RORA: variants seen among roughly 807,000 people sequenced by gnomAD.
The protein encoded by RORA is nuclear receptor ROR-alpha.
Under a neutral mutation model 69.5 loss-of-function variants are expected in RORA, and 7 were observed. The observed-to-expected ratio is 0.10, with a 90% CI of 0.06 to 0.19. The LOEUF (loss-of-function observed/expected upper bound fraction) is 0.19. Ranked by LOEUF, RORA falls within the 10% of genes least tolerant of loss-of-function variation. RORA has a pLI of 1.00. For synonymous variants in RORA, 261 were observed against 240.8 expected (o/e 1.08, Z -0.78); for missense variants, 457 against 663.0 (o/e 0.69, Z 3.41).
chr15:60,982,398 T>C (rs954087189), intron 1 of RORA, among the ~76,000 whole-genome samples: 6 of 152,228 alleles, frequency 3.9e-5, no homozygotes, highest in African/African-American at 1.4e-4. Flanking sequence ...TAGACTTTGC[T>C]TCCAAGTTTT....
At chr15:61,114,212 T>G (rs1277951091) in intron 1 of RORA, among the ~76,000 whole-genome samples, 1 of 152,130 alleles carries the variant, frequency 6.6e-6, no homozygotes, top group Non-Finnish European at 1.5e-5. Context: ...GCTTTGCCTA[T>G]CCAATGTCAT....
In RORA at chr15:61,095,993, G is replaced by T. The variant is rs146400454; in HGVS notation, c.166+133060C>A. Among the ~76,000 whole-genome samples, 407 of 152,318 alleles carry T rather than the reference G, an allele frequency of 2.7e-3. 1 individual carries two copies. Among genetic ancestry groups the T allele is most frequent in the Middle Eastern group, 0.01 (3 of 294 alleles). On this transcript the variant is annotated intron_variant, in intron 1 of 10. Transcript: ENST00000335670. Reference sequence around the variant, plus strand: ...TATTTGATCATTGATAGGGGGTTTGGAATTATGAATCACAAGCCAAAGGGC... The same window carrying T: ...TATTTGATCATTGATAGGGGGTTTGTAATTATGAATCACAAGCCAAAGGGC...
At chr15:60,702,209 G>T (rs2553233) in intron 1 of RORA, among the ~76,000 whole-genome samples, 1,734 of 152,188 alleles carry the variant, frequency 0.011, 29 homozygotes, top group African/African-American at 0.032. Context: ...TTCTCATAGG[G>T]TTGTAATTCG....
rs536942347 is a variant in RORA at position 60,497,340 on chromosome 15, G to C, written c.*115C>G. Reference sequence around the variant, plus strand: ...CCTGACCCCGATCACCAAAAGATGTGCAGTGTGTGGCGCTCCAGGTCTGTG... The same window carrying C: ...CCTGACCCCGATCACCAAAAGATGTCCAGTGTGTGGCGCTCCAGGTCTGTG... On this transcript the variant is annotated 3_prime_UTR_variant, in exon 11 of 11. Transcript: ENST00000335670. 1 of 765,658 alleles carries C rather than the reference G, an allele frequency of 1.3e-6. No homozygotes were observed. Among genetic ancestry groups the C allele is most frequent in the South Asian group, 2.0e-5 (1 of 49,810 alleles). 47.4% of individuals were successfully genotyped at this position (765,658 alleles called of 1,614,324 possible). A position where few individuals can be genotyped will look rare whatever the true frequency, so the allele number is the denominator to read the frequency against.
At chr15:61,137,055 G>GA (rs1247650509) in intron 1 of RORA, among the ~76,000 whole-genome samples, 2 of 145,230 alleles carry the variant, frequency 1.4e-5, no homozygotes, top group African/African-American at 2.6e-5. Flanking sequence ...AAGAAAGAAA[G>GA]AAAGAAAGAA....
At chr15:60,745,418 T>C (rs1300909362) in intron 1 of RORA, among the ~76,000 whole-genome samples, 5 of 152,230 alleles carry the variant, frequency 3.3e-5, no homozygotes, top group Non-Finnish European at 7.3e-5. Flanking sequence ...AGATCTTTTC[T>C]TTTTGTTTTT....
chr15:60,684,690 A>G (rs962887448), intron 1 of RORA, among the ~76,000 whole-genome samples: 1 of 152,216 alleles, frequency 6.6e-6, no homozygotes, highest in Non-Finnish European at 1.5e-5. Flanking sequence ...CAATATTTTT[A>G]CTTTGCAAGT....
intron 1 of RORA, among the ~76,000 whole-genome samples, chr15:60,714,666 A>C (rs2071196711): frequency 6.6e-6 from 1 of 152,148 alleles, no homozygotes; most frequent in South Asian, 2.1e-4. Flanking sequence ...TGCCTGGTCA[A>C]TTATCTCTTT....
chr15:60,859,064 A>G (rs2073410456), intron 1 of RORA, among the ~76,000 whole-genome samples: 4 of 150,650 alleles, frequency 2.7e-5, no homozygotes, highest in East Asian at 2.0e-4. Flanking sequence ...TTGAGCTTAC[A>G]TTTGGTTTCT....
chr15:61,055,661 A>G (rs543805616), intron 1 of RORA, among the ~76,000 whole-genome samples: 100 of 152,348 alleles, frequency 6.6e-4, no homozygotes, highest in Admixed American at 2.9e-3. Context: ...AAGCAAAAGT[A>G]CACAGGCAGA....
chr15:61,136,427 G>C (rs1273475619), intron 1 of RORA, among the ~76,000 whole-genome samples: 1 of 152,114 alleles, frequency 6.6e-6, no homozygotes, highest in Non-Finnish European at 1.5e-5. Context: ...CAAATGTTTG[G>C]AGTCTCATCT....
At chr15:61,026,950 A>G (rs17270745) in intron 1 of RORA, among the ~76,000 whole-genome samples, 11,890 of 152,094 alleles carry the variant, frequency 0.078, 562 homozygotes, top group Non-Finnish European at 0.096. Context: ...ATTGGCTTCC[A>G]GAAACCTTTG....
At chr15:60,601,291 A>G (rs1049471624) in intron 2 of RORA, among the ~76,000 whole-genome samples, 7 of 152,346 alleles carry the variant, frequency 4.6e-5, no homozygotes, top group African/African-American at 1.7e-4. Flanking sequence ...TTATTGCACA[A>G]TGTAGTAAAT....
intron 1 of RORA, among the ~76,000 whole-genome samples, chr15:60,814,316 C>T (rs1020953648): frequency 2.6e-5 from 4 of 152,126 alleles, no homozygotes; most frequent in African/African-American, 9.7e-5. Context: ...TGTACTGAAG[C>T]ATGAATCATA....
intron 1 of RORA, among the ~76,000 whole-genome samples, chr15:60,927,313 G>A (rs1566912210): frequency 1.3e-5 from 2 of 152,308 alleles, no homozygotes; most frequent in South Asian, 2.1e-4. Flanking sequence ...CAAAGGATGT[G>A]TCCTACTGTC....
intron 1 of RORA, among the ~76,000 whole-genome samples, chr15:61,038,557 ACTT>A (rs571234898): frequency 1.8e-4 from 28 of 152,174 alleles, no homozygotes; most frequent in Non-Finnish European, 4.0e-4. Flanking sequence ...CTCTCAACAA[ACTT>A]CTTCTGTGGC....
intron 1 of RORA, among the ~76,000 whole-genome samples, chr15:60,867,682 T>C (rs571396195): frequency 6.6e-6 from 1 of 152,190 alleles, no homozygotes; most frequent in African/African-American, 2.4e-5. Context: ...ATGTACTCTA[T>C]AGAAATTTTG....
intron 2 of RORA, among the ~76,000 whole-genome samples, chr15:60,589,564 C>G (rs2068438871): frequency 6.6e-6 from 1 of 152,198 alleles, no homozygotes; most frequent in African/African-American, 2.4e-5. Context: ...ATAGCTGGCT[C>G]TCTCCCTTTG....
chr15:60,704,787 C>T (rs936311927), intron 1 of RORA, among the ~76,000 whole-genome samples: 1 of 152,100 alleles, frequency 6.6e-6, no homozygotes, highest in Admixed American at 6.5e-5. Flanking sequence ...CAGTTCCAGA[C>T]CATGGTTACC....
Sources: gnomAD v4.1 joint callset for allele counts (sites outside exome capture counted in the v4.1 genomes callset) on GRCh38, gnomAD v4.1.1 for gene constraint, MANE v1.5 for transcripts, NCBI Gene and HGNC (gene_info 2026-07-23, HGNC 2026-07-21) for gene names.